SLC35F1: variants seen among roughly 807,000 people sequenced by gnomAD.
The protein encoded by SLC35F1 is chromosome 6 open reading frame 169.
In SLC35F1, 14 loss-of-function variants were observed where a neutral mutation model predicts 48.7. The observed-to-expected ratio is 0.29, with a 90% CI of 0.19 to 0.45. The LOEUF is 0.45. Ranked by LOEUF, SLC35F1 falls within the 20% of genes least tolerant of loss-of-function variation. The pLI, the probability that SLC35F1 is intolerant of heterozygous loss-of-function variation, is 1.00. For missense variants in SLC35F1, 404 were observed against 500.0 expected, an observed-to-expected ratio of 0.81 and a Z score of 1.83; for synonymous variants, 190 against 202.2, an observed-to-expected ratio of 0.94 and a Z score of 0.51.
At chr6:118,020,864 T>C (rs1016403055) in intron 1 of SLC35F1, among the ~76,000 whole-genome samples, 1 of 152,144 alleles carries the variant, frequency 6.6e-6, no homozygotes, top group African/African-American at 2.4e-5. Flanking sequence ...GAGCACTTTG[T>C]AGTTATCTGA....
At position 118,314,521 on chromosome 6, in the gene SLC35F1, A is replaced by G. The variant is rs1776409195; in HGVS notation, c.*269A>G. On this transcript the variant is annotated 3_prime_UTR_variant, in exon 8 of 8. Coordinates refer to ENST00000360388, the MANE Select transcript of SLC35F1 (RefSeq NM_001029858.4). ...CATTACTGTGAAAATTTTTGAATCAAAAGCAAGTATTATTGTTATTATGAT... is the reference window on the plus strand; with the variant it reads ...CATTACTGTGAAAATTTTTGAATCAGAAGCAAGTATTATTGTTATTATGAT... 3 of 467,030 alleles carry G rather than the reference A, an allele frequency of 6.4e-6. No individual in the cohort carries two copies. Among genetic ancestry groups the G allele is most frequent in the African/African-American group, 5.8e-5 (3 of 52,112 alleles). 28.9% of individuals were successfully genotyped at this position (467,030 alleles called of 1,614,324 possible). A position where few individuals can be genotyped will look rare whatever the true frequency, so the allele number is the denominator to read the frequency against.
intron 1 of SLC35F1, among the ~76,000 whole-genome samples, chr6:117,923,791 GTACATATATACATATACACA>G (rs1239918338): frequency 2.8e-5 from 2 of 71,060 alleles, no homozygotes; most frequent in African/African-American, 1.4e-4. Flanking sequence ...ATACATATAT[GTACATATATACATATACACA>G]TACATATGTA....
intron 2 of SLC35F1, among the ~76,000 whole-genome samples, chr6:118,230,143 T>C (rs1305266164): frequency 5.9e-5 from 9 of 152,014 alleles, no homozygotes; most frequent in Non-Finnish European, 1.3e-4. Flanking sequence ...AGATCAAGAC[T>C]ATCCTGGCCA....
chr6:118,109,256 A>C (rs1773365087), intron 1 of SLC35F1, among the ~76,000 whole-genome samples: 1 of 152,208 alleles, frequency 6.6e-6, no homozygotes, highest in South Asian at 2.1e-4. Context: ...CATATAGAAA[A>C]ATGTAGGTGT....
intron 1 of SLC35F1, among the ~76,000 whole-genome samples, chr6:117,941,934 T>A (rs934608829): frequency 1.3e-5 from 2 of 152,228 alleles, no homozygotes; most frequent in Non-Finnish European, 2.9e-5. Flanking sequence ...TTCTTCTTCA[T>A]TGTATCATCA....
At chr6:117,910,345 C>T (rs1262023562) in intron 1 of SLC35F1, among the ~76,000 whole-genome samples, 9 of 152,238 alleles carry the variant, frequency 5.9e-5, no homozygotes, top group Admixed American at 5.9e-4. Flanking sequence ...GGATATCAGG[C>T]AGGCCCATTG....
chr6:117,969,883 C>T (rs1448622539), intron 1 of SLC35F1, among the ~76,000 whole-genome samples: 1 of 152,066 alleles, frequency 6.6e-6, no homozygotes, highest in Non-Finnish European at 1.5e-5. Flanking sequence ...AGTATAATTC[C>T]TGTAAAAGAA....
intron 1 of SLC35F1, among the ~76,000 whole-genome samples, chr6:118,101,595 G>A (rs1773258699): frequency 6.6e-6 from 1 of 152,192 alleles, no homozygotes; most frequent in Non-Finnish European, 1.5e-5. Context: ...AAAATAATGA[G>A]AAGTGGGATG....
In SLC35F1 at chr6:118,314,025, TA is replaced by T; in HGVS notation, c.1003-2del. 6.2e-7 allele frequency: 1 copy of T among 1,614,140 alleles called. No individual in the cohort carries two copies. The highest frequency in any genetic ancestry group is 8.5e-7 in the Non-Finnish European group (1 of 1,179,974). On this transcript the variant is annotated splice_acceptor_variant, in intron 7 of 7. Transcript: ENST00000360388. LOFTEE classifies it high-confidence loss of function. ...AAATGACTTTACTGTTGTGTTTTTT[TA>T]GTTTTCAGGACTTTATCTCCTGTCT...
At chr6:118,309,373 A>G (rs1176885218) in intron 7 of SLC35F1, among the ~76,000 whole-genome samples, 1 of 152,138 alleles carries the variant, frequency 6.6e-6, no homozygotes, top group Non-Finnish European at 1.5e-5. Context: ...ACACAGAGAC[A>G]TATGCTTAAA....
intron 4 of SLC35F1, among the ~76,000 whole-genome samples, chr6:118,268,798 C>T (rs1304589542): frequency 2.6e-5 from 4 of 151,480 alleles, no homozygotes; most frequent in East Asian, 1.9e-4. Context: ...TTAGTAGAAA[C>T]GGGGTTTCAT....
intron 1 of SLC35F1, among the ~76,000 whole-genome samples, chr6:118,120,537 C>A (rs1204695483): frequency 6.6e-6 from 1 of 152,118 alleles, no homozygotes; most frequent in Non-Finnish European, 1.5e-5. Flanking sequence ...ACTTATCCAC[C>A]CTTTTTTCAT....
intron 2 of SLC35F1, among the ~76,000 whole-genome samples, chr6:118,207,960 T>C (rs553121568): frequency 6.6e-6 from 1 of 152,242 alleles, no homozygotes; most frequent in Non-Finnish European, 1.5e-5. Context: ...CGATGATTTC[T>C]GTTCTGAGTA....
chr6:118,234,749 T>C (rs1775341640), intron 2 of SLC35F1, among the ~76,000 whole-genome samples: 1 of 152,234 alleles, frequency 6.6e-6, no homozygotes, highest in South Asian at 2.1e-4. Context: ...CCCCACAGGT[T>C]GGCTACAGAG....
At chr6:118,305,683 AT>A (rs1776304224) in intron 7 of SLC35F1, among the ~76,000 whole-genome samples, 1 of 152,216 alleles carries the variant, frequency 6.6e-6, no homozygotes. Context: ...TAAAGTCAAT[AT>A]TATATAATGT....
chr6:118,284,499 A>T (rs1240538607), intron 6 of SLC35F1, among the ~76,000 whole-genome samples: 1 of 152,170 alleles, frequency 6.6e-6, no homozygotes, highest in Non-Finnish European at 1.5e-5. Flanking sequence ...GATTGGCCAC[A>T]TAGTATTTTA....
chr6:118,093,594 C>G (rs549100658), intron 1 of SLC35F1, among the ~76,000 whole-genome samples: 21 of 152,350 alleles, frequency 1.4e-4, no homozygotes, highest in Admixed American at 3.9e-4. Context: ...CATACCTTGG[C>G]TCCTCCTTTG....
At chr6:118,143,015 T>C (rs894318196) in intron 1 of SLC35F1, among the ~76,000 whole-genome samples, 1 of 152,190 alleles carries the variant, frequency 6.6e-6, no homozygotes, top group African/African-American at 2.4e-5. Flanking sequence ...CAGTTGATTA[T>C]ACATTTTTCA....
At chr6:117,933,759 A>C (rs761590449) in intron 1 of SLC35F1, among the ~76,000 whole-genome samples, 1 of 152,156 alleles carries the variant, frequency 6.6e-6, no homozygotes, top group Non-Finnish European at 1.5e-5. Flanking sequence ...GTGATAACAA[A>C]GTGAAAAATA....
Sources: gnomAD v4.1 joint callset for allele counts (sites outside exome capture counted in the v4.1 genomes callset) on GRCh38, gnomAD v4.1.1 for gene constraint, MANE v1.5 for transcripts, NCBI Gene and HGNC (gene_info 2026-07-23, HGNC 2026-07-21) for gene names.